Variants in ZNF69 observed in about 807,000 individuals in gnomAD.
The protein encoded by ZNF69 is ZNF3.
Under a neutral mutation model 50.9 loss-of-function variants are expected in ZNF69, and 47 were observed. The ratio of observed to expected loss-of-function variants is 0.92; its 90% confidence interval spans 0.73 to 1.18. The LOEUF (loss-of-function observed/expected upper bound fraction) is 1.18, where lower values mean the gene tolerates loss of function less well. Among genes scored for constraint, ZNF69 ranks in the 50% most tolerant of loss-of-function variants. The pLI is 0.00. For synonymous variants in ZNF69, 216 were observed against 223.1 expected (o/e 0.97, Z 0.29); for missense variants, 717 against 675.1 (o/e 1.06, Z -0.69).
chr19:11,971,144 A>C, the ZNF69 span, among the ~76,000 whole-genome samples: 1 of 152,144 alleles, frequency 6.6e-6, no homozygotes, highest in Admixed American at 6.5e-5. Context: ...TTAAAGAATA[A>C]ACATTTGTTT....
chr19:11,960,987 T>G, the ZNF69 span, among the ~76,000 whole-genome samples: 11,143 of 152,190 alleles, frequency 0.073, 703 homozygotes, highest in African/African-American at 0.17. Flanking sequence ...CCTCGAAATA[T>G]ATACTTAGAG....
chr19:11,910,334 A>G (rs1972439366), downstream of ZNF69, among the ~76,000 whole-genome samples: 1 of 152,200 alleles, frequency 6.6e-6, no homozygotes, highest in East Asian at 1.9e-4. Flanking sequence ...TAAAGTTCAT[A>G]TGGAACCAAA....
rs777801340 is a variant in ZNF69 at position 11,903,711 on chromosome 19, A to G, written c.190+12A>G. On this transcript the variant is annotated intron_variant, in intron 2 of 3. Coordinates refer to ENST00000429654, the MANE Select transcript of ZNF69 (RefSeq NM_001364730.1). ...CCTGACCTCTGTAGGTAAGGATGAC[A>G]TATTCCTTCCCTCAGTCCATTAGTG... The G allele has an allele frequency of 3.1e-6, 5 of 1,613,542 alleles. No individual in the cohort carries two copies. In the East Asian group the frequency reaches 1.1e-4, roughly 36 times the overall value.
At chr19:11,927,206 T>A in the ZNF69 span, among the ~76,000 whole-genome samples, 1 of 151,844 alleles carries the variant, frequency 6.6e-6, no homozygotes, top group African/African-American at 2.4e-5. Flanking sequence ...TAGCAAAAAT[T>A]AGCCGGGTGT....
chr19:11,924,930 C>G, the ZNF69 span: 2 of 390,544 alleles, frequency 5.1e-6, no homozygotes, highest in Non-Finnish European at 9.6e-6. Flanking sequence ...GTGCAGAAAG[C>G]AGCTCGCCCT....
At chr19:11,925,165 G>C in the ZNF69 span, 8 of 1,607,840 alleles carry the variant, frequency 5.0e-6, no homozygotes, top group Non-Finnish European at 6.8e-6. Context: ...GCCCGAGAGG[G>C]ACCTGGTGCC....
chr19:11,917,962 A>G (rs1258107182), downstream of ZNF69, among the ~76,000 whole-genome samples: 1 of 151,952 alleles, frequency 6.6e-6, no homozygotes, highest in East Asian at 1.9e-4. Flanking sequence ...TAATTTTTGC[A>G]TTTTTAGTAG....
At chr19:11,936,018 C>T in the ZNF69 span, among the ~76,000 whole-genome samples, 3 of 152,140 alleles carry the variant, frequency 2.0e-5, no homozygotes, top group Non-Finnish European at 4.4e-5. Flanking sequence ...TCATCCATGT[C>T]CCTGCAAAGG....
the ZNF69 span, among the ~76,000 whole-genome samples, chr19:11,930,965 C>G: frequency 1.6e-4 from 23 of 146,018 alleles, 2 homozygotes; most frequent in African/African-American, 5.8e-4. Context: ...CGCCATTGCT[C>G]TCTAGCCAGG....
intron 1 of ZNF69, among the ~76,000 whole-genome samples, chr19:11,900,118 T>G (rs1781543655): frequency 6.6e-6 from 1 of 152,044 alleles, no homozygotes; most frequent in African/African-American, 2.4e-5. Flanking sequence ...CATGCATGGC[T>G]GCTGTTCGTA....
the ZNF69 span, among the ~76,000 whole-genome samples, chr19:11,931,193 A>C: frequency 6.8e-6 from 1 of 147,890 alleles, no homozygotes; most frequent in Non-Finnish European, 1.5e-5. Flanking sequence ...AGACTGGGTG[A>C]CTTAAAGAAT....
At position 11,892,135 on chromosome 19, in the gene ZNF69, ATTTTTTT is replaced by A. The variant is rs4071659; in HGVS notation, c.63+4166_63+4172del. Among the ~76,000 whole-genome samples, 499 of 113,918 alleles carry A rather than the reference ATTTTTTT, an allele frequency of 4.4e-3. 4 individuals are homozygous for A. Among genetic ancestry groups the A allele is most frequent in the Middle Eastern group, 0.014 (3 of 214 alleles). The allele number at this position is 113,918 out of a possible 152,430, so 74.7% of individuals were successfully genotyped here. ...AGTCGCCCACCAGCACTCCTGGCTG[ATTTTTTT>A]TTTTTTTTTTTTTTTTGTATGCAGG... On this transcript the variant is annotated intron_variant, in intron 1 of 3. Coordinates refer to ENST00000429654, the MANE Select transcript of ZNF69 (RefSeq NM_001364730.1).
chr19:11,977,044 G>A, the ZNF69 span: 2 of 1,614,186 alleles, frequency 1.2e-6, no homozygotes, highest in Non-Finnish European at 1.7e-6. Flanking sequence ...TCAGGACCCT[G>A]TGGCCTGTGA....
the ZNF69 span, among the ~76,000 whole-genome samples, chr19:11,919,751 A>T: frequency 6.6e-6 from 1 of 152,206 alleles, no homozygotes; most frequent in East Asian, 1.9e-4. Context: ...AGGACACAGC[A>T]AGAAGTCATC....
chr19:11,941,348 C>T, the ZNF69 span, among the ~76,000 whole-genome samples: 25 of 152,340 alleles, frequency 1.6e-4, no homozygotes, highest in East Asian at 3.3e-3. Context: ...GAGCAGGGGG[C>T]GGCGCTCATC....
rs550099485 is a variant in ZNF69 at position 11,903,877 on chromosome 19, G to A, written c.191-28G>A. The A allele has an allele frequency of 7.4e-6, 12 of 1,612,192 alleles. No individual in the cohort carries two copies. In the Admixed American group the frequency reaches 2.0e-4, roughly 27 times the overall value. ...TTTTTCACAATTTTATACTGCCTCA[G>A]GACTATTTTTCTGTGTCTATATTTT... is the stretch of plus-strand genomic sequence containing the variant. On this transcript the variant is annotated intron_variant, in intron 2 of 3. Coordinates refer to ENST00000429654, the MANE Select transcript of ZNF69 (RefSeq NM_001364730.1).
intron 1 of ZNF69, among the ~76,000 whole-genome samples, chr19:11,901,381 T>G (rs897970169): frequency 1.3e-5 from 2 of 152,194 alleles, no homozygotes; most frequent in African/African-American, 4.8e-5. Flanking sequence ...CCTTAAGCAG[T>G]AGGATATAAA....
At chr19:11,967,128 A>G in the ZNF69 span, among the ~76,000 whole-genome samples, 1 of 152,168 alleles carries the variant, frequency 6.6e-6, no homozygotes, top group Non-Finnish European at 1.5e-5. Context: ...TGAGGTCAAG[A>G]GTTCGAGACC....
the ZNF69 span, among the ~76,000 whole-genome samples, chr19:11,928,076 G>T: frequency 6.6e-6 from 1 of 151,844 alleles, no homozygotes; most frequent in African/African-American, 2.4e-5. Context: ...GCTTACTGCA[G>T]CCTTGACCTC....
Sources: gnomAD v4.1 joint callset for allele counts (sites outside exome capture counted in the v4.1 genomes callset) on GRCh38, gnomAD v4.1.1 for gene constraint, MANE v1.5 for transcripts, NCBI Gene and HGNC (gene_info 2026-07-23, HGNC 2026-07-21) for gene names.